GSTK1: variants seen among roughly 807,000 people sequenced by gnomAD.
GSTK1 encodes GST class-kappa.
In GSTK1, 25 loss-of-function variants were observed where a neutral mutation model predicts 30.9. The ratio of observed to expected loss-of-function variants is 0.81; its 90% confidence interval spans 0.59 to 1.13. The LOEUF is 1.13. GSTK1 is among the 50% of genes most tolerant of loss of function. GSTK1 has a pLI of 0.00. For synonymous variants in GSTK1, 108 were observed against 112.5 expected (o/e 0.96, Z 0.25); for missense variants, 292 against 292.4 (o/e 1.00, Z 0.01).
intron 6 of GSTK1, 133 bp from the exon 7 acceptor site, chr7:143,267,958 G>T (rs1800929359): frequency 6.8e-6 from 5 of 730,026 alleles, no homozygotes; most frequent in South Asian, 5.1e-5. Context: ...AAACAGGAAG[G>T]CACCTGGGGC....
Position 143,264,693 on chromosome 7 carries a change from G to A in GSTK1, c.283+17G>A. The A allele has an allele frequency of 1.2e-6, 2 of 1,613,682 alleles. No homozygotes were observed. The highest frequency in any genetic ancestry group is 1.7e-6 in the Non-Finnish European group (2 of 1,179,906). On this transcript the variant is annotated intron_variant, in intron 3 of 7. Coordinates refer to ENST00000358406, the MANE Select transcript of GSTK1 (RefSeq NM_015917.3). ...TTGAAAAAGGTGAAGAGAGTGGGAT[G>A]TAGACAGGGTATCCAGTGAAAAACA...
Position 143,267,603 on chromosome 7 carries a change from C to G in GSTK1, c.421-14C>G. ...CATGCAGACACAGTTGTATTCCCTA[C>G]TATATTCCCTTAGGCTGCAGAGAAG... On this transcript the variant is annotated splice_polypyrimidine_tract_variant and intron_variant, in intron 5 of 7. Transcript: ENST00000358406. 1 of 1,580,264 alleles carries G rather than the reference C, an allele frequency of 6.3e-7. No individual in the cohort carries two copies. Among genetic ancestry groups the G allele is most frequent in the Non-Finnish European group, 8.7e-7 (1 of 1,149,160 alleles).
chr7:143,267,477 G>T (rs1800914505), intron 5 of GSTK1, 140 bp from the exon 6 acceptor site: 4 of 684,228 alleles, frequency 5.8e-6, no homozygotes, highest in Non-Finnish European at 1.0e-5. Flanking sequence ...CTCTTGGCAA[G>T]GACAGATCTC....
chr7:143,265,288 A>G lies in GSTK1; in HGVS notation c.412A>G (p.Ile138Val). 1.2e-6 allele frequency: 2 copies of G among 1,601,998 alleles called. No homozygotes were observed. The highest frequency in any genetic ancestry group is 8.5e-7 in the Non-Finnish European group (1 of 1,173,512). The change falls in exon 5 of 8, where the codon ATC (isoleucine) becomes GTC (valine). Residue 138 changes from isoleucine to valine, a missense_variant. Transcript: ENST00000358406. ...TGAAGACATCACCGAGCCGCAGAGC[A>G]TCCTGGCGGTGAGTGTCCTGGCTCC... ...RNEDITEPQS[I>V]LAAAEKAGMS...
At position 143,268,231 on chromosome 7, in the gene GSTK1, G is replaced by A. The variant is rs770559589; in HGVS notation, c.631+47G>A. 22 of 1,451,796 alleles carry A rather than the reference G, an allele frequency of 1.5e-5. No individual in the cohort carries two copies. The highest frequency in any genetic ancestry group is 9.4e-5 in the South Asian group (8 of 84,682). The allele number at this position is 1,451,796 out of a possible 1,614,324, so 89.9% of individuals were successfully genotyped here. A position where few individuals can be genotyped will look rare whatever the true frequency, so the allele number is the denominator to read the frequency against. ...CCCTGAGCCAGGTGCAGTGGCTCAC[G>A]CCTGTAATCCCAGCACTTTGGTAGG... On this transcript the variant is annotated intron_variant, in intron 7 of 7. Coordinates refer to ENST00000358406, the MANE Select transcript of GSTK1 (RefSeq NM_015917.3). The surrounding 1 kb of genome is among the most constrained non-coding windows in gnomAD (Gnocchi z 4.1).
rs757430371 is a variant in GSTK1 at position 143,264,144 on chromosome 7, TA to T, written c.133del (p.Thr45GlnfsTer4). ...AACCTGCAGTTGCGGCCCAGCCTCA[TA>T]ACAGGGATCATGAAAGACAGTGGTA... ...NINLQLRPSLITGIMKDSGNK... is the reference protein window; with the variant it reads ...NINLQLRPSLXTGIMKDSGNK... On this transcript the variant is annotated frameshift_variant, in exon 2 of 8. Coordinates refer to ENST00000358406, the MANE Select transcript of GSTK1 (RefSeq NM_015917.3). LOFTEE classifies it high-confidence loss of function. 1.2e-6 allele frequency: 2 copies of T among 1,613,806 alleles called. No homozygotes were observed. The highest frequency in any genetic ancestry group is 2.7e-5 in the African/African-American group (2 of 74,958).
intron 4 of GSTK1, 74 bp from the exon 5 acceptor site, chr7:143,265,187 C>T (rs780405817): frequency 4.4e-6 from 7 of 1,607,280 alleles, no homozygotes; most frequent in Non-Finnish European, 5.9e-6. Context: ...CTGCCCCCGC[C>T]CGGGGGATCT....
At chr7:143,264,439 C>G in intron 2 of GSTK1, 109 bp from the exon 3 acceptor site, 1 of 1,154,682 alleles carries the variant, frequency 8.7e-7, no homozygotes, top group South Asian at 1.4e-5. Context: ...AGCGAAACAA[C>G]AAGAGAAAAA....
At position 143,264,292 on chromosome 7, in the gene GSTK1, A is replaced by T. The variant is rs933537303; in HGVS notation, c.154+125A>T. The T allele has an allele frequency of 1.1e-5, 10 of 905,674 alleles. No homozygotes were observed. The African/African-American group carries it at 1.5e-4, about 14-fold the overall frequency. 56.1% of individuals were successfully genotyped at this position (905,674 alleles called of 1,614,324 possible). On this transcript the variant is annotated intron_variant, in intron 2 of 7. Transcript: ENST00000358406. ...TGCCCCGTCTCTACTAAAAATACAA[A>T]ATTAGCCGGGCGTGGTAGTGCATGC...
Position 143,268,883 on chromosome 7 carries a change from T to TGGC in GSTK1, c.*46_*47insGGC. The TGGC allele has an allele frequency of 6.6e-7, 1 of 1,517,296 alleles. No individual in the cohort carries two copies. The highest frequency in any genetic ancestry group is 9.2e-7 in the Non-Finnish European group (1 of 1,091,730). The allele number at this position is 1,517,296 out of a possible 1,614,324, so 94.0% of individuals were successfully genotyped here. A position where few individuals can be genotyped will look rare whatever the true frequency, so the allele number is the denominator to read the frequency against. The stretch of plus-strand genomic sequence containing the variant: ...CTCTTCGTATAAAAAAAGCAGGCCA[T>TGGC]CTGCTTAACCCTTGGCTCCACCATA... On this transcript the variant is annotated 3_prime_UTR_variant, in exon 8 of 8. Coordinates refer to ENST00000358406, the MANE Select transcript of GSTK1 (RefSeq NM_015917.3). This position sits in a 1 kb window ranked among gnomAD's most constrained non-coding sequence, Gnocchi z 4.1.
In GSTK1 at chr7:143,264,696, G is replaced by A; in HGVS notation, c.283+20G>A. On this transcript the variant is annotated intron_variant, in intron 3 of 7. Coordinates refer to ENST00000358406, the MANE Select transcript of GSTK1 (RefSeq NM_015917.3). ...AAAAAGGTGAAGAGAGTGGGATGTA[G>A]ACAGGGTATCCAGTGAAAAACACAG... 1 of 1,613,660 alleles carries A rather than the reference G, an allele frequency of 6.2e-7. No individual in the cohort carries two copies. Among genetic ancestry groups the A allele is most frequent in the East Asian group, 2.2e-5 (1 of 44,874 alleles).
intron 5 of GSTK1, 67 bp from the exon 6 acceptor site, chr7:143,267,550 G>A: frequency 7.9e-7 from 1 of 1,263,626 alleles, no homozygotes; most frequent in Middle Eastern, 1.9e-4. Context: ...AAAGACCAGA[G>A]TTTTCCTCTG....
rs1471659083 is a variant in GSTK1, at chr7:143,268,571, T to G, written c.632-217T>G. ...AGGAGGGGCTCAGAGCAAAAAAATA[T>G]TCTTGGCACTTCCAGTAACAAAGCG... On this transcript the variant is annotated intron_variant, in intron 7 of 7. Transcript: ENST00000358406. The surrounding 1 kb of genome is among the most constrained non-coding windows in gnomAD (Gnocchi z 4.1). Among the ~76,000 whole-genome samples, 1 of 152,140 alleles carries G rather than the reference T, an allele frequency of 6.6e-6. No homozygotes were observed. Among genetic ancestry groups the G allele is most frequent in the Non-Finnish European group, 1.5e-5 (1 of 68,028 alleles).
At position 143,264,282 on chromosome 7, in the gene GSTK1, A is replaced by G. The variant is rs939445924; in HGVS notation, c.154+115A>G. On this transcript the variant is annotated intron_variant, in intron 2 of 7. Coordinates refer to ENST00000358406, the MANE Select transcript of GSTK1 (RefSeq NM_015917.3). ...AGCTGCCCTCTGCCCCGTCTCTACT[A>G]AAAATACAAAATTAGCCGGGCGTGG... 1.2e-5 allele frequency: 11 copies of G among 949,842 alleles called. No homozygotes were observed. The Admixed American group carries it at 1.3e-4, about 12-fold the overall frequency. 58.8% of individuals were successfully genotyped at this position (949,842 alleles called of 1,614,324 possible).
In GSTK1 at chr7:143,265,365, A is replaced by G. The variant is rs1297181764; in HGVS notation, c.420+69A>G. 3.2e-5 allele frequency: 42 copies of G among 1,294,928 alleles called. No individual in the cohort carries two copies. Among genetic ancestry groups the G allele is most frequent in the Non-Finnish European group, 4.2e-5 (40 of 947,266 alleles). The allele number at this position is 1,294,928 out of a possible 1,614,324, so 80.2% of individuals were successfully genotyped here. On this transcript the variant is annotated intron_variant, in intron 5 of 7. Coordinates refer to ENST00000358406, the MANE Select transcript of GSTK1 (RefSeq NM_015917.3). The stretch of plus-strand genomic sequence containing the variant: ...GAGAACAGTTGGCGTTTGGGGGTAA[A>G]GAAGACAATAGGTCTCTTATTGCAT...
Position 143,265,242 on chromosome 7 carries a change from T to C in GSTK1, c.385-19T>C, listed in dbSNP as rs763609277. The C allele has an allele frequency of 4.4e-6, 7 of 1,605,584 alleles. No homozygotes were observed. The South Asian group carries it at 7.8e-5, about 18-fold the overall frequency. The stretch of plus-strand genomic sequence containing the variant: ...CCCTCTCCCCGCACCGCCTTCCTGC[T>C]GTCTTCTCTTCTTCCCAGAATGAAG... On this transcript the variant is annotated intron_variant, in intron 4 of 7. Coordinates refer to ENST00000358406, the MANE Select transcript of GSTK1 (RefSeq NM_015917.3).
At position 143,267,733 on chromosome 7, in the gene GSTK1, A is replaced by C; in HGVS notation, c.537A>C (p.Gly179=). 1 of 1,596,546 alleles carries C rather than the reference A, an allele frequency of 6.3e-7. No individual in the cohort carries two copies. The highest frequency in any genetic ancestry group is 8.6e-7 in the Non-Finnish European group (1 of 1,164,372). The change falls in exon 6 of 8, where the codon GGA becomes GGC. Residue 179 remains glycine, a splice_region_variant and synonymous_variant. Transcript: ENST00000358406. The part of the protein sequence containing the change: ...KETTEAACRY[G]AFGLPITVAH... ...CCACTGAGGCAGCCTGCAGATACGG[A>C]GTGAGCAGCTCTTTATGTGTGTTCC...
chr7:143,264,525 C>T lies in GSTK1; in HGVS notation c.155-23C>T, dbSNP rs58553685. ...GACCCTTAGGTCTTTTCTCACTTAG[C>T]GTGCCCAACCTTCTCCTGGCAGGAA... On this transcript the variant is annotated intron_variant, in intron 2 of 7. Coordinates refer to ENST00000358406, the MANE Select transcript of GSTK1 (RefSeq NM_015917.3). 1,568 of 1,613,622 alleles carry T rather than the reference C, an allele frequency of 9.7e-4. 11 individuals carry two copies. In the African/African-American group the frequency reaches 0.019, roughly 20 times the overall value.
At chr7:143,264,526 G>A (rs1800813131) in intron 2 of GSTK1, 22 bp from the exon 3 acceptor site, 4 of 1,613,720 alleles carry the variant, frequency 2.5e-6, no homozygotes, top group East Asian at 2.2e-5. Flanking sequence ...CTCACTTAGC[G>A]TGCCCAACCT....
Sources: allele counts gnomAD v4.1 joint callset (sites outside exome capture counted in the v4.1 genomes callset), GRCh38; gene constraint gnomAD v4.1.1; non-coding constraint Gnocchi (gnomAD v3.1); transcripts MANE v1.5; gene names NCBI Gene and HGNC (gene_info 2026-07-23, HGNC 2026-07-21).